Variants in TMEM120B observed in about 807,000 individuals in gnomAD.
TMEM120B encodes the protein transmembrane protein 120B.
A neutral mutation model predicts 55.5 loss-of-function variants in TMEM120B; 31 were observed. That is an observed-to-expected ratio of 0.56 (90% CI 0.42 to 0.75). The LOEUF is 0.75. Ranked by LOEUF, TMEM120B falls within the 30% of genes least tolerant of loss-of-function variation. The probability of loss-of-function intolerance (pLI) is 0.00; values close to 1 mark genes in which losing one functional copy is unlikely to be tolerated. For synonymous variants in TMEM120B, 203 were observed against 176.3 expected, an observed-to-expected ratio of 1.15 and a Z score of -1.20; for missense variants, 399 against 425.5, an observed-to-expected ratio of 0.94 and a Z score of 0.55.
rs994515649 is a variant in TMEM120B at position 121,777,749 on chromosome 12, G to T, written c.*2027G>T. On this transcript the variant is annotated 3_prime_UTR_variant, in exon 12 of 12. Coordinates refer to ENST00000449592, the MANE Select transcript of TMEM120B (RefSeq NM_001080825.2). ...AGCACAAGGCAATGCAGAAAGGAAT[G>T]GGTGTTGCTGTGTTCCAATAAAACT... 6.6e-6 allele frequency: 1 copy of T among 152,274 alleles called. No homozygotes were observed. The highest frequency in any genetic ancestry group is 2.4e-5 in the African/African-American group (1 of 41,470). 9.4% of individuals were successfully genotyped at this position (152,274 alleles called of 1,614,324 possible). A position where few individuals can be genotyped will look rare whatever the true frequency, so the allele number is the denominator to read the frequency against.
In TMEM120B at chr12:121,779,271, T is replaced by G. The variant is rs1050607375; in HGVS notation, c.*3549T>G. 1.7e-6 allele frequency: 1 copy of G among 576,826 alleles called. No homozygotes were observed. The highest frequency in any genetic ancestry group is 2.1e-5 in the South Asian group (1 of 46,774). 35.7% of individuals were successfully genotyped at this position (576,826 alleles called of 1,614,324 possible). On this transcript the variant is annotated 3_prime_UTR_variant, in exon 12 of 12. Transcript: ENST00000449592. Reference sequence around the variant, plus strand: ...ACTTGCGAGTCCCGACAACAGACACTGGCTCCTGCACCCACATCACCACCA... The same window carrying G: ...ACTTGCGAGTCCCGACAACAGACACGGGCTCCTGCACCCACATCACCACCA...
chr12:121,760,707 C>T (rs1440273192), intron 5 of TMEM120B, among the ~76,000 whole-genome samples: 1 of 152,160 alleles, frequency 6.6e-6, no homozygotes, highest in Admixed American at 6.5e-5. Context: ...TTGCCTTTCC[C>T]TGGCACTGGG....
chr12:121,770,812 A>C (rs1874017741), intron 6 of TMEM120B, 95 bp from the exon 7 acceptor site: 1 of 1,155,128 alleles, frequency 8.7e-7, no homozygotes, highest in Non-Finnish European at 1.3e-6. Flanking sequence ...CTCTGAGTGC[A>C]GAGTAACCCC....
chr12:121,768,197 C>T (rs146609720), intron 6 of TMEM120B, among the ~76,000 whole-genome samples: 3 of 152,280 alleles, frequency 2.0e-5, no homozygotes, highest in East Asian at 1.9e-4. Context: ...CATGACCGCA[C>T]GTGGCACCTG....
intron 4 of TMEM120B, 43 bp from the exon 5 acceptor site, chr12:121,752,081 AATAG>A (rs1566517908): frequency 1.3e-6 from 2 of 1,530,280 alleles, no homozygotes; most frequent in Non-Finnish European, 1.8e-6. Context: ...CAGGTGCTGG[AATAG>A]TCATGGTAAG....
intron 10 of TMEM120B, 90 bp from the exon 11 acceptor site, chr12:121,774,972 G>A (rs1874186804): frequency 7.0e-7 from 1 of 1,433,106 alleles, no homozygotes; most frequent in South Asian, 1.2e-5. Context: ...GATACCCAAA[G>A]TTGGGTGAGG....
intron 2 of TMEM120B, among the ~76,000 whole-genome samples, chr12:121,746,128 TG>T: frequency 6.6e-6 from 1 of 152,126 alleles, no homozygotes; most frequent in South Asian, 2.1e-4. Context: ...CCCAAAGTGC[TG>T]GGATTACAGG....
intron 4 of TMEM120B, among the ~76,000 whole-genome samples, chr12:121,750,970 AC>A: frequency 2.6e-5 from 1 of 38,602 alleles, no homozygotes; most frequent in African/African-American, 1.4e-4. Flanking sequence ...CACACCACAC[AC>A]CCCACACCCA....
At chr12:121,768,608 C>T (rs766758965) in intron 6 of TMEM120B, among the ~76,000 whole-genome samples, 7 of 152,182 alleles carry the variant, frequency 4.6e-5, no homozygotes, top group Non-Finnish European at 7.3e-5. Flanking sequence ...ACTGTTCCCA[C>T]GAGCATCCCC....
At chr12:121,764,446 G>C (rs1248267974) in intron 6 of TMEM120B, among the ~76,000 whole-genome samples, 1 of 152,058 alleles carries the variant, frequency 6.6e-6, no homozygotes, top group African/African-American at 2.4e-5. Flanking sequence ...GCTTGAACCC[G>C]GGAGGCTGAG....
rs1874262575 is a variant in TMEM120B, at chr12:121,776,800, ACT to A, written c.*1079_*1080del. ...TCAAGGAATTTTAAAATTTTTAATT[ACT>A]TTTTTTTTTTTTGAGACAGGGTCTG... On this transcript the variant is annotated 3_prime_UTR_variant, in exon 12 of 12. Transcript: ENST00000449592. The A allele has an allele frequency of 7.1e-6, 1 of 140,590 alleles. No homozygotes were observed. Among genetic ancestry groups the A allele is most frequent in the South Asian group, 2.3e-4 (1 of 4,422 alleles). 8.7% of individuals were successfully genotyped at this position (140,590 alleles called of 1,614,324 possible).
rs1894627289 is a variant in TMEM120B at position 121,712,961 on chromosome 12, G to T, written c.66G>T (p.Leu22=). 5 of 1,540,368 alleles carry T rather than the reference G, an allele frequency of 3.2e-6. 1 individual carries two copies. In the South Asian group the frequency reaches 6.1e-5, roughly 19 times the overall value. ...WHELEGEFQE[L]QETHRIYKQK... Reference sequence around the variant, plus strand: ...AGCTGGAGGGAGAATTTCAAGAACTGCAGGTAGGGCCAGGCCACCTGGTCC... The same window carrying T: ...AGCTGGAGGGAGAATTTCAAGAACTTCAGGTAGGGCCAGGCCACCTGGTCC... Residue 22 remains leucine, a synonymous_variant, in exon 1 of 12, where the codon CTG becomes CTT. Transcript: ENST00000449592.
At chr12:121,732,252 C>T (rs980285321) in intron 1 of TMEM120B, among the ~76,000 whole-genome samples, 2 of 152,218 alleles carry the variant, frequency 1.3e-5, no homozygotes, top group Non-Finnish European at 2.9e-5. Context: ...GGCGTGGGCG[C>T]AGAATGCCTT....
At chr12:121,750,646 A>AACCCAC (rs1351604730) in intron 4 of TMEM120B, among the ~76,000 whole-genome samples, 1 of 107,642 alleles carries the variant, frequency 9.3e-6, no homozygotes, top group African/African-American at 3.7e-5. Flanking sequence ...CCACACTGCG[A>AACCCAC]ACCCACACCC....
intron 2 of TMEM120B, among the ~76,000 whole-genome samples, 176 bp downstream of exon 2, chr12:121,743,923 A>G (rs943392718): frequency 6.6e-6 from 1 of 152,130 alleles, no homozygotes; most frequent in Non-Finnish European, 1.5e-5. Context: ...TTTTCCCTCT[A>G]AATTCTGCCT....
At chr12:121,736,798 G>A (rs1412445481) in intron 1 of TMEM120B, among the ~76,000 whole-genome samples, 4 of 152,134 alleles carry the variant, frequency 2.6e-5, no homozygotes, top group Admixed American at 6.6e-5. Flanking sequence ...GCCCACTTTG[G>A]CCTCCCAAAG....
chr12:121,763,096 G>A (rs532187864), intron 6 of TMEM120B, among the ~76,000 whole-genome samples: 3 of 151,816 alleles, frequency 2.0e-5, no homozygotes, highest in Non-Finnish European at 4.4e-5. Context: ...TTGCCACCTG[G>A]AGGACCTATT....
At chr12:121,752,462 G>A (rs2137218629) in intron 5 of TMEM120B, among the ~76,000 whole-genome samples, 1 of 152,254 alleles carries the variant, frequency 6.6e-6, no homozygotes, top group East Asian at 1.9e-4. Context: ...TAGTTAAGAA[G>A]GAGTTCATTA....
At position 121,775,054 on chromosome 12, in the gene TMEM120B, C is replaced by T; in HGVS notation, c.838-8C>T. 1 of 1,613,128 alleles carries T rather than the reference C, an allele frequency of 6.2e-7. No homozygotes were observed. Among genetic ancestry groups the T allele is most frequent in the Non-Finnish European group, 8.5e-7 (1 of 1,179,824 alleles). ...TGGTGGGTGAGCAGCGCCTGCCTTCCTCTCCAGTTCTGGCAGCTCTACAAT... is the reference window on the plus strand; with the variant it reads ...TGGTGGGTGAGCAGCGCCTGCCTTCTTCTCCAGTTCTGGCAGCTCTACAAT... On this transcript the variant is annotated splice_region_variant and splice_polypyrimidine_tract_variant and intron_variant, in intron 10 of 11. Coordinates refer to ENST00000449592, the MANE Select transcript of TMEM120B (RefSeq NM_001080825.2). The surrounding 1 kb of genome is among the most constrained non-coding windows in gnomAD (Gnocchi z 4.3).
Sources: allele counts gnomAD v4.1 joint callset (sites outside exome capture counted in the v4.1 genomes callset), GRCh38; gene constraint gnomAD v4.1.1; non-coding constraint Gnocchi (gnomAD v3.1); transcripts MANE v1.5; gene names NCBI Gene and HGNC (gene_info 2026-07-23, HGNC 2026-07-21).